Variants in F8 observed in about 807,000 individuals in gnomAD.
F8 encodes antihemophilic factor.
F8 carries 12 observed loss-of-function variants against 140.6 expected under a neutral mutation model. That is an observed-to-expected ratio of 0.09 (90% CI 0.05 to 0.14). The LOEUF is 0.14. Ranked by LOEUF, F8 falls within the 10% of genes least tolerant of loss-of-function variation. The pLI, the probability that F8 is intolerant of heterozygous loss-of-function variation, is 1.00. For missense variants in F8, 1,354 were observed against 1,720.7 expected (o/e 0.79, Z 3.77); for synonymous variants, 585 against 614.6 (o/e 0.95, Z 0.71).
intron 24 of F8, among the ~76,000 whole-genome samples, 192 bp downstream of exon 24, chrX:154,861,526 C>T (rs1557272866): frequency 8.9e-6 from 1 of 111,898 alleles, no homozygotes; most frequent in Non-Finnish European, 1.9e-5. Context: ...ATTCTTCTTC[C>T]AGGAGGTTCA....
intron 1 of F8, among the ~76,000 whole-genome samples, chrX:155,006,090 C>T (rs1557286052): frequency 2.7e-5 from 3 of 112,371 alleles, no homozygotes; most frequent in African/African-American, 9.7e-5. Context: ...GTTGTAAAAT[C>T]ACCCAAGGAA....
At position 155,022,523 on chromosome X, in the gene F8, AAAG is replaced by A. The variant is rs1321981494; in HGVS notation, c.27_29del (p.Phe10del). The A allele has an allele frequency of 3.3e-6, 4 of 1,210,283 alleles. No homozygotes were observed. Among genetic ancestry groups the A allele is most frequent in the Non-Finnish European group, 3.4e-6 (3 of 895,248 alleles). ...TAAAGCAGAATCGCAAAAGGCACAG[AAAG>A]AAGCAGGTGGAGAGCTCTATTTGCA... On this transcript the variant is annotated inframe_deletion, in exon 1 of 26. Transcript: ENST00000360256.
chrX:154,838,939 ACCC>A (rs1254609155), intron 25 of F8, among the ~76,000 whole-genome samples: 6 of 12,504 alleles, frequency 4.8e-4, no homozygotes, highest in Non-Finnish European at 7.5e-4. Flanking sequence ...CCACCCCCCC[ACCC>A]CCCCAAGAGA....
intron 1 of F8, among the ~76,000 whole-genome samples, chrX:155,004,280 C>A (rs782016869): frequency 3.9e-4 from 44 of 111,790 alleles, no homozygotes; most frequent in East Asian, 2.5e-3. Flanking sequence ...CTTTCTCAGA[C>A]AATAAAAATT....
intron 25 of F8, among the ~76,000 whole-genome samples, chrX:154,852,488 C>T (rs782208302): frequency 4.5e-5 from 5 of 111,924 alleles, no homozygotes; most frequent in Non-Finnish European, 7.5e-5. Context: ...ATGGTCTTGG[C>T]ACTTTTATTG....
chrX:154,890,748 A>T lies in F8; in HGVS notation c.6429+5329T>A, dbSNP rs140173207. 4.3e-4 allele frequency among the ~76,000 whole-genome samples: 48 copies of T among 112,497 alleles called. No individual in the cohort carries two copies. The East Asian group carries it at 0.012, about 28-fold the overall frequency. ...TAATCATATAACGATTGGAAAATAT[A>T]GCCTAGTATCTCTCACTAAATAAAG... On this transcript the variant is annotated intron_variant, in intron 22 of 25. Transcript: ENST00000360256.
At chrX:154,920,707 C>A (rs1258586881) in intron 14 of F8, among the ~76,000 whole-genome samples, 1 of 111,674 alleles carries the variant, frequency 9.0e-6, no homozygotes, top group Non-Finnish European at 1.9e-5. Flanking sequence ...CCCACCTTGG[C>A]CCCCACAAAG....
Position 154,931,646 on chromosome X carries a change from T to C in F8, c.2144A>G (p.Asp715Gly), listed in dbSNP as rs1557278871. 1 of 1,211,643 alleles carries C rather than the reference T, an allele frequency of 8.3e-7. No individual in the cohort carries two copies. Among genetic ancestry groups the C allele is most frequent in the East Asian group, 3.0e-5 (1 of 33,861 alleles). Residue 715 changes from aspartate to glycine, a missense_variant, in exon 14 of 26, where the codon GAC becomes GGC. Asp to Gly is a moderately conservative substitution (Grantham distance 94, BLOSUM62 -1). This residue lies in a region of F8 where 252 missense variants were observed against 338.5 expected (regional missense o/e 0.74). Transcript: ENST00000360256. ...GLWILGCHNS[D>G]FRNRGMTALL... ...GGCGGTCATGCCTCTGTTCCGAAAG[T>C]CTGAGTTGTGGCACCCCAGAATCCA...
At chrX:154,877,225 T>C (rs1283566064) in intron 22 of F8, among the ~76,000 whole-genome samples, 1 of 111,881 alleles carries the variant, frequency 8.9e-6, no homozygotes, top group African/African-American at 3.3e-5. Flanking sequence ...AAGAGGGATT[T>C]AAGGTTGCAG....
chrX:154,902,497 T>C (rs2073015533), intron 18 of F8, among the ~76,000 whole-genome samples: 1 of 111,862 alleles, frequency 8.9e-6, no homozygotes. Context: ...TGGCCAGATG[T>C]GGACTCTGTG....
intron 3 of F8, among the ~76,000 whole-genome samples, chrX:154,996,072 G>GA (rs1306901998): frequency 2.7e-5 from 3 of 109,797 alleles, no homozygotes; most frequent in South Asian, 3.8e-4. Context: ...GATGTCAGCA[G>GA]AAAAAAAAAG....
At chrX:154,874,823 C>G (rs1416631701) in intron 22 of F8, among the ~76,000 whole-genome samples, 1 of 111,821 alleles carries the variant, frequency 8.9e-6, no homozygotes, top group Non-Finnish European at 1.9e-5. Context: ...AAAATGAATA[C>G]CATGTGATCT....
intron 25 of F8, among the ~76,000 whole-genome samples, chrX:154,854,721 A>T (rs1230379533): frequency 9.0e-6 from 1 of 111,537 alleles, no homozygotes; most frequent in Non-Finnish European, 1.9e-5. Flanking sequence ...TTAAGGATAA[A>T]TTTTATAAAT....
chrX:154,904,698 A>G lies in F8; in HGVS notation c.5586+113T>C. 4 of 728,311 alleles carry G rather than the reference A, an allele frequency of 5.5e-6. No individual in the cohort carries two copies. The Middle Eastern group carries it at 8.7e-4, about 159-fold the overall frequency. The allele number at this position is 728,311 out of a possible 1,213,427, so 60.0% of individuals were successfully genotyped here. A position where few individuals can be genotyped will look rare whatever the true frequency, so the allele number is the denominator to read the frequency against. The stretch of plus-strand genomic sequence containing the variant: ...TTCTAAAACACAAATATAATGATCA[A>G]CTCTCCTATTTAAAGCTTCTTATTG... On this transcript the variant is annotated intron_variant, in intron 16 of 25. Coordinates refer to ENST00000360256, the MANE Select transcript of F8 (RefSeq NM_000132.4).
chrX:154,866,965 C>T (rs376118207), intron 22 of F8, among the ~76,000 whole-genome samples: 8 of 109,678 alleles, frequency 7.3e-5, no homozygotes, highest in African/African-American at 1.7e-4. Flanking sequence ...ATCTAGACTA[C>T]GAAAAAAAGA....
intron 25 of F8, among the ~76,000 whole-genome samples, chrX:154,852,820 G>A (rs1236297089): frequency 3.6e-5 from 4 of 111,479 alleles, no homozygotes; most frequent in Non-Finnish European, 7.5e-5. Flanking sequence ...GTTATGGTGA[G>A]TGGAGATTGC....
Position 154,932,789 on chromosome X carries a change from C to G in F8, c.2114-1113G>C, listed in dbSNP as rs2073204822. ...CCTGAGGGAGGGTAAATAAAAGTCC[C>G]AAGTTGATAACTGAGCCTCAGGCCT... On this transcript the variant is annotated intron_variant, in intron 13 of 25. Coordinates refer to ENST00000360256, the MANE Select transcript of F8 (RefSeq NM_000132.4). Among the ~76,000 whole-genome samples, 3 of 110,926 alleles carry G rather than the reference C, an allele frequency of 2.7e-5. No homozygotes were observed. The South Asian group carries it at 1.2e-3, about 43-fold the overall frequency.
chrX:155,016,846 A>T (rs1348020647), intron 1 of F8, among the ~76,000 whole-genome samples: 1 of 112,650 alleles, frequency 8.9e-6, no homozygotes, highest in Non-Finnish European at 1.9e-5. Flanking sequence ...AACTCATCAA[A>T]CTGCATATTT....
intron 21 of F8, 135 bp from the exon 22 acceptor site, chrX:154,896,367 C>T: frequency 1.6e-6 from 1 of 641,861 alleles, no homozygotes. Context: ...GCAAGTGAAG[C>T]AGTCACCAAT....
Sources: allele counts gnomAD v4.1 joint callset (sites outside exome capture counted in the v4.1 genomes callset), GRCh38; gene constraint gnomAD v4.1.1; regional missense constraint gnomAD v4.1.1; transcripts MANE v1.5; gene names NCBI Gene and HGNC (gene_info 2026-07-23, HGNC 2026-07-21).